Variants in METTL24 observed in about 807,000 individuals in gnomAD.
METTL24 encodes the protein probable methyltransferase-like protein 24.
In METTL24, 29 loss-of-function variants were observed where a neutral mutation model predicts 32.7. That is an observed-to-expected ratio of 0.89 (90% CI 0.66 to 1.21). The LOEUF is 1.21. METTL24 is among the 50% of genes most tolerant of loss of function. The pLI is 0.00. For synonymous variants in METTL24, 163 were observed against 179.5 expected, an observed-to-expected ratio of 0.91 and a Z score of 0.73; for missense variants, 439 against 468.1, an observed-to-expected ratio of 0.94 and a Z score of 0.57.
At chr6:110,298,106 A>T (rs893453945) in intron 4 of METTL24, among the ~76,000 whole-genome samples, 3 of 152,228 alleles carry the variant, frequency 2.0e-5, no homozygotes, top group Non-Finnish European at 4.4e-5. Flanking sequence ...TCTCAGGCAC[A>T]CTGTTTCTCA....
At chr6:110,280,863 G>A (rs978632066) in intron 4 of METTL24, among the ~76,000 whole-genome samples, 1 of 151,982 alleles carries the variant, frequency 6.6e-6, no homozygotes, top group Non-Finnish European at 1.5e-5. Flanking sequence ...GTGTTGCCCA[G>A]GCTGGTCTCA....
rs144793765 is a variant in METTL24 at position 110,269,521 on chromosome 6, A to G, written c.787-23261T>C. Among the ~76,000 whole-genome samples, 12 of 152,328 alleles carry G rather than the reference A, an allele frequency of 7.9e-5. No individual in the cohort carries two copies. The East Asian group carries it at 2.3e-3, about 29-fold the overall frequency. On this transcript the variant is annotated intron_variant, in intron 4 of 4. Coordinates refer to ENST00000338882, the MANE Select transcript of METTL24 (RefSeq NM_001123364.3). Reference sequence around the variant, plus strand: ...GACTTTTTGATCCCATAGTAGTAAAAATGCACCCACACAATTTAACCTACA... The same window carrying G: ...GACTTTTTGATCCCATAGTAGTAAAGATGCACCCACACAATTTAACCTACA...
At chr6:110,267,989 G>A (rs1022061841) in intron 4 of METTL24, among the ~76,000 whole-genome samples, 2 of 152,112 alleles carry the variant, frequency 1.3e-5, no homozygotes, top group Non-Finnish European at 2.9e-5. Flanking sequence ...CCACCCCCAT[G>A]ATCCAAACGC....
intron 3 of METTL24, among the ~76,000 whole-genome samples, chr6:110,300,784 G>A (rs780172602): frequency 1.8e-4 from 27 of 150,648 alleles, no homozygotes; most frequent in Non-Finnish European, 3.7e-4. Context: ...TCAACCAACC[G>A]CAGATTGAAA....
chr6:110,269,618 T>C (rs1159694904), intron 4 of METTL24, among the ~76,000 whole-genome samples: 1 of 152,218 alleles, frequency 6.6e-6, no homozygotes, highest in Non-Finnish European at 1.5e-5. Flanking sequence ...ATTTTTATGC[T>C]AATATGAATT....
chr6:110,302,416 T>G (rs75663884), intron 3 of METTL24, among the ~76,000 whole-genome samples: 1 of 147,340 alleles, frequency 6.8e-6, no homozygotes, highest in Non-Finnish European at 1.5e-5. Context: ...GAGGTATATA[T>G]ACACATATAC....
intron 4 of METTL24, among the ~76,000 whole-genome samples, chr6:110,295,679 T>C (rs1244680126): frequency 6.6e-6 from 1 of 152,168 alleles, no homozygotes; most frequent in Non-Finnish European, 1.5e-5. Context: ...GAAGGACCAA[T>C]TGCCTTTCAG....
chr6:110,281,900 C>T (rs1351200719), intron 4 of METTL24, among the ~76,000 whole-genome samples: 1 of 152,094 alleles, frequency 6.6e-6, no homozygotes, highest in Non-Finnish European at 1.5e-5. Context: ...AAGTATCAAA[C>T]TGTCACTAAG....
At position 110,268,225 on chromosome 6, in the gene METTL24, C is replaced by T. The variant is rs115791285; in HGVS notation, c.787-21965G>A. Among the ~76,000 whole-genome samples the T allele has an allele frequency of 4.4e-3, 667 of 152,164 alleles. 2 individuals carry two copies. The highest frequency in any genetic ancestry group is 0.015 in the African/African-American group (639 of 41,526). On this transcript the variant is annotated intron_variant, in intron 4 of 4. Coordinates refer to ENST00000338882, the MANE Select transcript of METTL24 (RefSeq NM_001123364.3). ...GTCATACAGTTTGTGAGAGTTGAAG[C>T]CAAGACCAATAGCAAACAGTGTCCA...
chr6:110,338,285 T>C (rs145589913), intron 1 of METTL24, among the ~76,000 whole-genome samples: 1,891 of 152,124 alleles, frequency 0.012, 36 homozygotes, highest in African/African-American at 0.044. Context: ...TCACCTGAGG[T>C]TGGGAGTTTG....
In METTL24 at chr6:110,269,225, A is replaced by G. The variant is rs192948458; in HGVS notation, c.787-22965T>C. On this transcript the variant is annotated intron_variant, in intron 4 of 4. Transcript: ENST00000338882. ...CAGTCCCAAGAGGAAATGTCTATCAACTTTTGGTTATATTTCTTACAGTAT... is the reference window on the plus strand; with the variant it reads ...CAGTCCCAAGAGGAAATGTCTATCAGCTTTTGGTTATATTTCTTACAGTAT... Among the ~76,000 whole-genome samples the G allele has an allele frequency of 5.5e-3, 833 of 152,342 alleles. 1 individual carries two copies. Among genetic ancestry groups the G allele is most frequent in the Non-Finnish European group, 9.4e-3 (637 of 68,020 alleles).
intron 1 of METTL24, among the ~76,000 whole-genome samples, chr6:110,343,711 C>T (rs1437804692): frequency 6.6e-6 from 1 of 152,178 alleles, no homozygotes; most frequent in East Asian, 1.9e-4. Flanking sequence ...GAAGAAAATA[C>T]AGCCTGTAAG....
intron 1 of METTL24, among the ~76,000 whole-genome samples, chr6:110,338,462 T>C (rs6568638): frequency 0.8 from 121,238 of 151,898 alleles, 48,644 homozygotes; most frequent in African/African-American, 0.86. Flanking sequence ...CATGCCACTG[T>C]CCTCCAACCT....
intron 1 of METTL24, among the ~76,000 whole-genome samples, chr6:110,344,012 C>G (rs1772415850): frequency 6.6e-6 from 1 of 152,080 alleles, no homozygotes; most frequent in South Asian, 2.1e-4. Flanking sequence ...ATGGCTCAAG[C>G]CATTTTAAGT....
intron 1 of METTL24, among the ~76,000 whole-genome samples, chr6:110,341,475 C>T (rs72935976): frequency 2.1e-3 from 325 of 152,288 alleles, no homozygotes; most frequent in Non-Finnish European, 3.2e-3. Flanking sequence ...ATTCACTATT[C>T]AAAAGGACAT....
chr6:110,330,322 G>A (rs1772091288), intron 1 of METTL24, among the ~76,000 whole-genome samples: 1 of 152,306 alleles, frequency 6.6e-6, no homozygotes, highest in East Asian at 1.9e-4. Context: ...CATTGACTAT[G>A]TCTGTCTCTC....
chr6:110,298,600 A>T (rs900920369), intron 4 of METTL24, among the ~76,000 whole-genome samples: 1 of 152,086 alleles, frequency 6.6e-6, no homozygotes, highest in Non-Finnish European at 1.5e-5. Flanking sequence ...CTCTTTCTGG[A>T]AAGTGTAAGT....
chr6:110,284,667 T>C (rs1453947155), intron 4 of METTL24, among the ~76,000 whole-genome samples: 2 of 152,182 alleles, frequency 1.3e-5, no homozygotes, highest in African/African-American at 4.8e-5. Flanking sequence ...CATGTAGAAT[T>C]ACTTTGTTTT....
chr6:110,332,397 T>G (rs1772124601), intron 1 of METTL24: 2 of 436,518 alleles, frequency 4.6e-6, no homozygotes, highest in Non-Finnish European at 6.1e-6. Flanking sequence ...ACGTAATATA[T>G]TTTAGATTTT....
Sources: gnomAD v4.1 joint callset for allele counts (sites outside exome capture counted in the v4.1 genomes callset) on GRCh38, gnomAD v4.1.1 for gene constraint, MANE v1.5 for transcripts, NCBI Gene and HGNC (gene_info 2026-07-23, HGNC 2026-07-21) for gene names.